The following TEAD1 variants were observed in gnomAD, a reference collection of about 807,000 sequenced individuals.
TEAD1 encodes the protein transcriptional enhancer factor TEF-1.
In TEAD1, 9 loss-of-function variants were observed where a neutral mutation model predicts 54.9. The ratio of observed to expected loss-of-function variants is 0.16; its 90% CI spans 0.10 to 0.29. TEAD1 has a LOEUF of 0.29. TEAD1 is among the 10% of genes least tolerant of loss of function. The probability of loss-of-function intolerance (pLI) is 1.00; values close to 1 mark genes in which losing one functional copy is unlikely to be tolerated. For missense variants in TEAD1, 387 were observed against 535.9 expected, an observed-to-expected ratio of 0.72 and a Z score of 2.74; for synonymous variants, 200 against 187.8, an observed-to-expected ratio of 1.07 and a Z score of -0.53.
chr11:12,821,005 T>G (rs1946533838), intron 3 of TEAD1, among the ~76,000 whole-genome samples: 1 of 152,176 alleles, frequency 6.6e-6, no homozygotes, highest in Admixed American at 6.5e-5. Flanking sequence ...TATGCCTGTC[T>G]GCATGCTTGT....
At chr11:12,879,868 T>C in intron 6 of TEAD1, 26 bp downstream of exon 6, 1 of 1,612,140 alleles carries the variant, frequency 6.2e-7, no homozygotes, top group Non-Finnish European at 8.5e-7. Context: ...AGTCCAGTAA[T>C]GACAGCTGCT....
intron 2 of TEAD1, among the ~76,000 whole-genome samples, chr11:12,691,419 A>G (rs1448811888): frequency 6.6e-6 from 1 of 152,060 alleles, no homozygotes; most frequent in African/African-American, 2.4e-5. Context: ...TGTGTGTGCT[A>G]GGTTCTCTGC....
intron 3 of TEAD1, among the ~76,000 whole-genome samples, chr11:12,856,602 G>A (rs1254726025): frequency 6.6e-6 from 1 of 152,142 alleles, no homozygotes; most frequent in African/African-American, 2.4e-5. Flanking sequence ...GAGCGGGGTG[G>A]GGGGATATGT....
At chr11:12,900,966 C>G (rs1036392702) in intron 9 of TEAD1, among the ~76,000 whole-genome samples, 2 of 152,146 alleles carry the variant, frequency 1.3e-5, no homozygotes, top group African/African-American at 4.8e-5. Context: ...GAGGCATGCC[C>G]GAAGAGTCTG....
Position 12,698,022 on chromosome 11 carries a change from CAAA to C in TEAD1, c.-55+22475_-55+22477del, listed in dbSNP as rs1409217799. ...TGGGCAACAGAGCGAAACTCCGTCT[CAAA>C]AAAAAAAAAAAAAGGGCCCTCAGAA... On this transcript the variant is annotated intron_variant, in intron 2 of 12. Transcript: ENST00000527636. Among the ~76,000 whole-genome samples, 12 of 61,200 alleles carry C rather than the reference CAAA, an allele frequency of 2.0e-4. No individual in the cohort carries two copies. The South Asian group carries it at 3.9e-3, about 20-fold the overall frequency. The allele number at this position is 61,200 out of a possible 152,430, so 40.1% of individuals were successfully genotyped here.
intron 3 of TEAD1, among the ~76,000 whole-genome samples, chr11:12,800,315 C>G (rs1297361197): frequency 3.9e-5 from 6 of 152,224 alleles, no homozygotes; most frequent in African/African-American, 9.6e-5. Context: ...TGTGATCTTG[C>G]ATAAATTATC....
intron 2 of TEAD1, among the ~76,000 whole-genome samples, chr11:12,718,845 C>G (rs1169382440): frequency 2.6e-5 from 4 of 152,134 alleles, no homozygotes; most frequent in African/African-American, 9.7e-5. Flanking sequence ...CAACAACTTT[C>G]ATCCTAATTT....
At position 12,940,965 on chromosome 11, in the gene TEAD1, G is replaced by A. The variant is rs879260427; in HGVS notation, c.*3743G>A. The A allele has an allele frequency of 7.9e-5, 12 of 152,178 alleles. No homozygotes were observed. The highest frequency in any genetic ancestry group is 2.2e-4 in the African/African-American group (9 of 41,426). 9.4% of individuals were successfully genotyped at this position (152,178 alleles called of 1,614,324 possible). A position where few individuals can be genotyped will look rare whatever the true frequency, so the allele number is the denominator to read the frequency against. On this transcript the variant is annotated 3_prime_UTR_variant, in exon 13 of 13. Transcript: ENST00000527636. Reference sequence around the variant, plus strand: ...ACAGTCTACTCTCCTTCGTTTTGTCGATGAGAAAGTTGAGGCCAGAGGGGA... The same window carrying A: ...ACAGTCTACTCTCCTTCGTTTTGTCAATGAGAAAGTTGAGGCCAGAGGGGA...
chr11:12,935,240 G>A lies in TEAD1; in HGVS notation c.1168-1869G>A, dbSNP rs866076581. Among the ~76,000 whole-genome samples, 19 of 152,260 alleles carry A rather than the reference G, an allele frequency of 1.2e-4. No individual in the cohort carries two copies. The South Asian group carries it at 3.3e-3, about 27-fold the overall frequency. ...AGGAAGGCTTCCTGAGGAAGAAACA[G>A]TTGAGAGCTCTCTGCGTGGTGAATA... On this transcript the variant is annotated intron_variant, in intron 12 of 12. Transcript: ENST00000527636.
At position 12,721,860 on chromosome 11, in the gene TEAD1, G is replaced by A. The variant is rs545108950; in HGVS notation, c.-54-42319G>A. Among the ~76,000 whole-genome samples, 33 of 152,314 alleles carry A rather than the reference G, an allele frequency of 2.2e-4. No individual in the cohort carries two copies. The South Asian group carries it at 2.7e-3, about 12-fold the overall frequency. Reference sequence around the variant, plus strand: ...GTCCAGCAGGTTTTCCTGTTGATAGGACAGTGGACGTATGAGTTTGAGTGT... The same window carrying A: ...GTCCAGCAGGTTTTCCTGTTGATAGAACAGTGGACGTATGAGTTTGAGTGT... On this transcript the variant is annotated intron_variant, in intron 2 of 12. Transcript: ENST00000527636.
intron 10 of TEAD1, 142 bp downstream of exon 10, chr11:12,902,255 G>T: frequency 3.5e-6 from 4 of 1,155,074 alleles, no homozygotes; most frequent in Non-Finnish European, 5.2e-6. Flanking sequence ...AGGGAGCACG[G>T]ACTCACACCT....
At chr11:12,915,232 A>G (rs1216028244) in intron 10 of TEAD1, among the ~76,000 whole-genome samples, 3 of 152,204 alleles carry the variant, frequency 2.0e-5, no homozygotes, top group Middle Eastern at 3.4e-3. Context: ...CTTTTCCCCA[A>G]TAAAGCTTGT....
chr11:12,768,328 G>A (rs894886686), intron 3 of TEAD1, among the ~76,000 whole-genome samples: 1 of 152,174 alleles, frequency 6.6e-6, no homozygotes, highest in African/African-American at 2.4e-5. Flanking sequence ...ATTGTTATCT[G>A]GAACACCACC....
intron 9 of TEAD1, among the ~76,000 whole-genome samples, chr11:12,897,636 C>G (rs1001116550): frequency 6.6e-6 from 1 of 152,188 alleles, no homozygotes; most frequent in African/African-American, 2.4e-5. Context: ...TGCCCAGTTT[C>G]CTTTGGCAAA....
At chr11:12,758,530 C>A (rs1338481924) in intron 2 of TEAD1, among the ~76,000 whole-genome samples, 1 of 151,796 alleles carries the variant, frequency 6.6e-6, no homozygotes, top group Non-Finnish European at 1.5e-5. Flanking sequence ...CCCACCTCAG[C>A]CTCCTGAGTA....
At chr11:12,895,994 CTCCGTCT>C (rs1948308474) in intron 9 of TEAD1, among the ~76,000 whole-genome samples, 1 of 142,490 alleles carries the variant, frequency 7.0e-6, no homozygotes, top group Non-Finnish European at 1.5e-5. Context: ...ATATGCCCCC[CTCCGTCT>C]TCCTTTCAGT....
intron 2 of TEAD1, among the ~76,000 whole-genome samples, chr11:12,685,675 C>T (rs1313218542): frequency 6.6e-6 from 1 of 152,134 alleles, no homozygotes; most frequent in Non-Finnish European, 1.5e-5. Flanking sequence ...TAGAAATAAT[C>T]AGTTTCAATA....
intron 9 of TEAD1, among the ~76,000 whole-genome samples, chr11:12,890,865 A>G (rs1292116877): frequency 2.0e-5 from 3 of 152,178 alleles, no homozygotes; most frequent in Non-Finnish European, 4.4e-5. Flanking sequence ...CCTGGGTTCA[A>G]GCAATTCCCC....
chr11:12,711,598 C>T (rs911634311), intron 2 of TEAD1, among the ~76,000 whole-genome samples: 7 of 152,190 alleles, frequency 4.6e-5, no homozygotes, highest in Admixed American at 2.0e-4. Context: ...TTTCATGTTC[C>T]CTCCCCTACA....
Sources: gnomAD v4.1 joint callset for allele counts (sites outside exome capture counted in the v4.1 genomes callset) on GRCh38, gnomAD v4.1.1 for gene constraint, MANE v1.5 for transcripts, NCBI Gene and HGNC (gene_info 2026-07-23, HGNC 2026-07-21) for gene names.